Variants in MEGF11 observed in about 807,000 individuals in gnomAD.
MEGF11 encodes multiple EGF like domains 11, also known as multiple epidermal growth factor-like domains protein 11.
Under a neutral mutation model 146.6 loss-of-function variants are expected in MEGF11, and 126 were observed. The observed-to-expected ratio is 0.86, with a 90% CI of 0.74 to 1.00. MEGF11 has a LOEUF of 1.00. Ranked by LOEUF, MEGF11 falls within the 50% of genes least tolerant of loss-of-function variation. The pLI is 0.00. For synonymous variants in MEGF11, 532 were observed against 583.4 expected (o/e 0.91, Z 1.27); for missense variants, 1,509 against 1,521.2 (o/e 0.99, Z 0.13).
At chr15:66,102,644 A>G (rs1299793083) in intron 4 of MEGF11, among the ~76,000 whole-genome samples, 1 of 152,006 alleles carries the variant, frequency 6.6e-6, no homozygotes, top group Non-Finnish European at 1.5e-5. Flanking sequence ...TCAGATCCCA[A>G]GTTGCCTAAG....
rs555912942 is a variant in MEGF11 at position 65,908,263 on chromosome 15, A to G, written c.2998+771T>C. The stretch of plus-strand genomic sequence containing the variant: ...AGCAGCTCAGTTTCCTTAGAGTTCT[A>G]GAAGCCACCTAGAGCCTGAGGTCAG... On this transcript the variant is annotated intron_variant, in intron 23 of 25. Transcript: ENST00000395614. Among the ~76,000 whole-genome samples, 7 of 152,304 alleles carry G rather than the reference A, an allele frequency of 4.6e-5. No homozygotes were observed. The East Asian group carries it at 5.8e-4, about 13-fold the overall frequency.
intron 1 of MEGF11, among the ~76,000 whole-genome samples, chr15:66,176,733 G>A (rs974910883): frequency 3.9e-5 from 6 of 152,188 alleles, no homozygotes; most frequent in African/African-American, 1.2e-4. Flanking sequence ...GAGCCAGCCC[G>A]TTTACTCCAG....
intron 3 of MEGF11, among the ~76,000 whole-genome samples, chr15:66,119,882 C>T (rs1403419797): frequency 1.3e-5 from 2 of 152,318 alleles, no homozygotes; most frequent in Middle Eastern, 3.4e-3. Flanking sequence ...AGTGTTAAGG[C>T]TTAGCCCCAT....
At chr15:65,930,533 AAG>A (rs986198132) in intron 11 of MEGF11, among the ~76,000 whole-genome samples, 1 of 151,940 alleles carries the variant, frequency 6.6e-6, no homozygotes, top group Non-Finnish European at 1.5e-5. Context: ...CTCCAACCCT[AAG>A]AGTGATAGCA....
chr15:66,145,844 T>C (rs919710059), intron 1 of MEGF11, among the ~76,000 whole-genome samples: 1 of 152,192 alleles, frequency 6.6e-6, no homozygotes, highest in Non-Finnish European at 1.5e-5. Context: ...GGGGATCTGT[T>C]TCCTCACCTG....
intron 5 of MEGF11, among the ~76,000 whole-genome samples, chr15:66,024,047 A>G (rs2083248581): frequency 6.6e-6 from 1 of 152,162 alleles, no homozygotes; most frequent in Non-Finnish European, 1.5e-5. Context: ...GGGTGGGCTG[A>G]GCAGTGGGAA....
chr15:66,119,137 G>T lies in MEGF11; in HGVS notation c.250C>A (p.Arg84=), dbSNP rs765433861. The change falls in exon 4 of 26, where the codon CGG becomes AGG. Residue 84 remains arginine, a synonymous_variant. Transcript: ENST00000395614. ...TAGCCAGGGCAGCACTGGGACCTCC[G>T]CCGGTACATGGTCCGGAGGCCTCTC... ...YRRGLRTMYR[R]RSQCCPGYYE... 6.4e-7 allele frequency: 1 copy of T among 1,551,448 alleles called. No individual in the cohort carries two copies. Among genetic ancestry groups the T allele is most frequent in the Middle Eastern group, 1.7e-4 (1 of 5,994 alleles).
At chr15:66,022,608 T>G (rs1414833505) in intron 5 of MEGF11, among the ~76,000 whole-genome samples, 10 of 152,196 alleles carry the variant, frequency 6.6e-5, no homozygotes, top group Admixed American at 6.5e-4. Flanking sequence ...ATGAGTCACT[T>G]GAGGCCAGTA....
At chr15:66,224,654 T>TATATATAAAGTATATATTTATATATA (rs200548176) in intron 1 of MEGF11, among the ~76,000 whole-genome samples, 10 of 145,412 alleles carry the variant, frequency 6.9e-5, no homozygotes, top group East Asian at 2.0e-4. Flanking sequence ...ATTATATATT[T>TATATATAAAGTATATATTTATATATA]ATATATAAAG....
intron 5 of MEGF11, among the ~76,000 whole-genome samples, chr15:65,984,219 C>T (rs919447220): frequency 1.3e-5 from 2 of 152,132 alleles, no homozygotes; most frequent in African/African-American, 4.8e-5. Context: ...ACAGCCTCCA[C>T]TCACATTGAA....
chr15:66,112,075 T>TAAA (rs10715805), intron 4 of MEGF11, among the ~76,000 whole-genome samples: 71 of 131,120 alleles, frequency 5.4e-4, no homozygotes, highest in South Asian at 1.2e-3. Flanking sequence ...GGCTAATAGT[T>TAAA]AAAAAAAAAA....
At chr15:66,031,930 G>A (rs1178118890) in intron 5 of MEGF11, among the ~76,000 whole-genome samples, 5 of 152,218 alleles carry the variant, frequency 3.3e-5, no homozygotes, top group Admixed American at 2.6e-4. Flanking sequence ...GGCAGGAGGT[G>A]AGCAGCAGGT....
At chr15:66,019,773 A>G (rs563224691) in intron 5 of MEGF11, among the ~76,000 whole-genome samples, 1 of 152,218 alleles carries the variant, frequency 6.6e-6, no homozygotes, top group Non-Finnish European at 1.5e-5. Flanking sequence ...ATGAGGATCA[A>G]TAAAGACAAT....
chr15:66,036,904 GCATT>G (rs1459289511), intron 5 of MEGF11, among the ~76,000 whole-genome samples: 2 of 152,136 alleles, frequency 1.3e-5, no homozygotes, highest in African/African-American at 4.8e-5. Flanking sequence ...ATTCCTCCTT[GCATT>G]TTTTCTTTCT....
intron 1 of MEGF11, among the ~76,000 whole-genome samples, chr15:66,247,910 C>A (rs2092318410): frequency 6.6e-6 from 1 of 151,550 alleles, no homozygotes; most frequent in Non-Finnish European, 1.5e-5. Flanking sequence ...GTGGCGCGTG[C>A]CTGTAATCCA....
chr15:66,044,850 C>CAAAAAAAA (rs140901440), intron 5 of MEGF11, among the ~76,000 whole-genome samples: 2 of 90,700 alleles, frequency 2.2e-5, no homozygotes, highest in African/African-American at 1.0e-4. Flanking sequence ...GACCTTATCT[C>CAAAAAAAA]AAAAAAAAAA....
intron 1 of MEGF11, among the ~76,000 whole-genome samples, chr15:66,228,203 T>C (rs908473111): frequency 1.3e-5 from 2 of 151,676 alleles, no homozygotes; most frequent in African/African-American, 4.8e-5. Flanking sequence ...CAGGGGAGCT[T>C]AGCAAATCAT....
At chr15:66,089,123 C>T (rs1384171674) in intron 5 of MEGF11, among the ~76,000 whole-genome samples, 1 of 152,234 alleles carries the variant, frequency 6.6e-6, no homozygotes, top group East Asian at 1.9e-4. Context: ...GGTTAACATT[C>T]TATTTTAATC....
chr15:66,155,246 A>T (rs1291307943), intron 1 of MEGF11, among the ~76,000 whole-genome samples: 1 of 140,444 alleles, frequency 7.1e-6, no homozygotes. Context: ...GGAGACACAC[A>T]TGGTGATGCC....
Sources: gnomAD v4.1 joint callset for allele counts (sites outside exome capture counted in the v4.1 genomes callset) on GRCh38, gnomAD v4.1.1 for gene constraint, MANE v1.5 for transcripts, NCBI Gene and HGNC (gene_info 2026-07-23, HGNC 2026-07-21) for gene names.